The following CNTN4 variants were observed in gnomAD, a reference collection of about 807,000 sequenced individuals.
CNTN4 encodes the protein contactin 4.
CNTN4 carries 77 observed loss-of-function variants against 122.5 expected under a neutral mutation model. The observed-to-expected ratio is 0.63, with a 90% CI of 0.52 to 0.76. CNTN4 has a LOEUF of 0.76. Ranked by LOEUF, CNTN4 falls within the 30% of genes least tolerant of loss-of-function variation. The pLI is 0.00. For synonymous variants in CNTN4, 512 were observed against 447.0 expected, an observed-to-expected ratio of 1.15 and a Z score of -1.83; for missense variants, 1,256 against 1,259.1, an observed-to-expected ratio of 1.00 and a Z score of 0.04.
At position 2,579,531 on chromosome 3, in the gene CNTN4, G is replaced by T. The variant is rs540110868; in HGVS notation, c.55+7973G>T. Among the ~76,000 whole-genome samples the T allele has an allele frequency of 4.1e-3, 379 of 91,388 alleles. 3 individuals are homozygous for T. The highest frequency in any genetic ancestry group is 0.014 in the African/African-American group (365 of 26,440). The allele number at this position is 91,388 out of a possible 152,430, so 60.0% of individuals were successfully genotyped here. On this transcript the variant is annotated intron_variant, in intron 4 of 24. Coordinates refer to ENST00000418658, the MANE Select transcript of CNTN4 (RefSeq NM_175607.3). ...GGTACATCATCTCCCTAGGTCATGG[G>T]TTTCTTTTTTTTTTTATCTGTAAAA...
intron 2 of CNTN4, chr3:2,262,236 T>C (rs2040861314): frequency 1.3e-5 from 2 of 152,212 alleles, no homozygotes; most frequent in African/African-American, 4.8e-5. Context: ...GGACCAATTT[T>C]TCCAGATAAT....
chr3:2,151,221 G>T (rs2035481722), intron 2 of CNTN4, among the ~76,000 whole-genome samples: 1 of 152,118 alleles, frequency 6.6e-6, no homozygotes, highest in African/African-American at 2.4e-5. Context: ...CACTTCGCCT[G>T]GCCAACAAGT....
At chr3:3,038,352 T>C (rs74653932) in intron 18 of CNTN4, among the ~76,000 whole-genome samples, 7,794 of 152,248 alleles carry the variant, frequency 0.051, 291 homozygotes, top group Non-Finnish European at 0.065. Flanking sequence ...GGGGGTCAAC[T>C]TCTGTCTGCC....
intron 2 of CNTN4, among the ~76,000 whole-genome samples, chr3:2,205,934 A>G (rs555548778): frequency 6.6e-6 from 1 of 152,282 alleles, no homozygotes; most frequent in Non-Finnish European, 1.5e-5. Context: ...GAGGAAATGC[A>G]AAACAACTGA....
chr3:2,099,052 G>GT (rs1487558408), intron 1 of CNTN4, 74 bp downstream of exon 1: 1 of 152,544 alleles, frequency 6.6e-6, no homozygotes, highest in Non-Finnish European at 1.5e-5. Flanking sequence ...GGTCGCGGGT[G>GT]TGGGGGGGAA....
chr3:2,194,831 A>G (rs979601206), intron 2 of CNTN4, among the ~76,000 whole-genome samples: 24 of 152,260 alleles, frequency 1.6e-4, no homozygotes, highest in African/African-American at 4.6e-4. Flanking sequence ...TTTCGTGACA[A>G]ATTTTAGAGG....
intron 14 of CNTN4, among the ~76,000 whole-genome samples, chr3:3,001,568 CA>C (rs552353828): frequency 4.7e-4 from 72 of 152,242 alleles, no homozygotes; most frequent in African/African-American, 1.7e-3. Context: ...TGCCTTTAGA[CA>C]GGGGGCATGT....
rs1284833439 is a variant in CNTN4 at position 2,916,651 on chromosome 3, T to G, written c.1208-8978T>G. ...TGATTTCTCTTTCCTTTCCCCACAC[T>G]TCCCCCCCTTCCACTCGACAAAACC... On this transcript the variant is annotated intron_variant, in intron 12 of 24. Coordinates refer to ENST00000418658, the MANE Select transcript of CNTN4 (RefSeq NM_175607.3). 4.8e-5 allele frequency among the ~76,000 whole-genome samples: 5 copies of G among 103,464 alleles called. No homozygotes were observed. The East Asian group carries it at 1.4e-3, about 28-fold the overall frequency. 67.9% of individuals were successfully genotyped at this position (103,464 alleles called of 152,430 possible).
chr3:2,755,922 C>T lies in CNTN4; in HGVS notation c.358+10225C>T, dbSNP rs545271876. 1.7e-4 allele frequency among the ~76,000 whole-genome samples: 26 copies of T among 152,050 alleles called. No homozygotes were observed. The South Asian group carries it at 3.1e-3, about 18-fold the overall frequency. On this transcript the variant is annotated intron_variant, in intron 6 of 24. Transcript: ENST00000418658. ...ACTAAAATATCACTCCTTTTTGTTT[C>T]GTTGTTATGAGTAATTCAGTCAACA...
At position 2,212,731 on chromosome 3, in the gene CNTN4, T is replaced by C. The variant is rs974309532; in HGVS notation, c.-145+112092T>C. Reference sequence around the variant, plus strand: ...GTTTAAAATAGTGTTTTTTCAATTGTTGCATATTTGAATTGACTGAGGACT... The same window carrying C: ...GTTTAAAATAGTGTTTTTTCAATTGCTGCATATTTGAATTGACTGAGGACT... On this transcript the variant is annotated intron_variant, in intron 2 of 24. Transcript: ENST00000418658. Among the ~76,000 whole-genome samples the C allele has an allele frequency of 3.9e-5, 6 of 152,340 alleles. No homozygotes were observed. In the South Asian group the frequency reaches 6.2e-4, roughly 16 times the overall value.
At chr3:2,729,059 A>C (rs1280899067) in intron 4 of CNTN4, among the ~76,000 whole-genome samples, 2 of 152,230 alleles carry the variant, frequency 1.3e-5, no homozygotes, top group East Asian at 3.9e-4. Context: ...GTTTTCTAAG[A>C]TGAAATCATA....
chr3:2,207,287 A>G (rs1385306605), intron 2 of CNTN4, among the ~76,000 whole-genome samples: 1 of 152,154 alleles, frequency 6.6e-6, no homozygotes, highest in African/African-American at 2.4e-5. Context: ...TGAAAGGAAG[A>G]GTCATACATC....
chr3:2,906,701 G>A lies in CNTN4; in HGVS notation c.1207+3696G>A, dbSNP rs1429039691. 4.0e-5 allele frequency among the ~76,000 whole-genome samples: 6 copies of A among 151,624 alleles called. 1 individual carries two copies. Among genetic ancestry groups the A allele is most frequent in the Non-Finnish European group, 4.4e-5 (3 of 67,912 alleles). ...AAAAATATATATATATAAATTAGCCGAGCATGGTGGCGCATGCCTGTAATC... is the reference window on the plus strand; with the variant it reads ...AAAAATATATATATATAAATTAGCCAAGCATGGTGGCGCATGCCTGTAATC... On this transcript the variant is annotated intron_variant, in intron 12 of 24. Transcript: ENST00000418658.
At chr3:2,565,705 A>T (rs528813197) in intron 3 of CNTN4, among the ~76,000 whole-genome samples, 3 of 152,248 alleles carry the variant, frequency 2.0e-5, no homozygotes, top group African/African-American at 7.2e-5. Flanking sequence ...GAACATTAAG[A>T]TTTTACTGTA....
intron 3 of CNTN4, among the ~76,000 whole-genome samples, chr3:2,464,306 C>T (rs980662922): frequency 6.6e-6 from 1 of 152,162 alleles, no homozygotes. Flanking sequence ...GTTAGCTCTT[C>T]CTTTGACCAG....
At chr3:2,529,018 C>G (rs1368729013) in intron 3 of CNTN4, among the ~76,000 whole-genome samples, 2 of 151,994 alleles carry the variant, frequency 1.3e-5, no homozygotes, top group South Asian at 4.2e-4. Context: ...AGCTATGGTA[C>G]TCGTACAGTG....
At chr3:2,157,960 A>G (rs1189417103) in intron 2 of CNTN4, among the ~76,000 whole-genome samples, 3 of 152,246 alleles carry the variant, frequency 2.0e-5, no homozygotes, top group African/African-American at 7.2e-5. Flanking sequence ...ACCCCAAATT[A>G]GGAAGGACAA....
intron 2 of CNTN4, among the ~76,000 whole-genome samples, chr3:2,171,130 T>C (rs1486469443): frequency 6.6e-6 from 1 of 152,178 alleles, no homozygotes; most frequent in Non-Finnish European, 1.5e-5. Flanking sequence ...AAACACAAAG[T>C]CATATATAAA....
rs541502715 is a variant in CNTN4, at chr3:2,513,234, C to T, written c.-88-58182C>T. On this transcript the variant is annotated intron_variant, in intron 3 of 24. Transcript: ENST00000418658. The stretch of plus-strand genomic sequence containing the variant: ...TATGGTCCCTAAACAAAAGGCTGGC[C>T]TCATGCCTTCTTACAAAACTGAACT... 7.2e-5 allele frequency among the ~76,000 whole-genome samples: 11 copies of T among 152,272 alleles called. No individual in the cohort carries two copies. In the South Asian group the frequency reaches 2.3e-3, roughly 32 times the overall value.
Sources: gnomAD v4.1 joint callset for allele counts (sites outside exome capture counted in the v4.1 genomes callset) on GRCh38, gnomAD v4.1.1 for gene constraint, MANE v1.5 for transcripts, NCBI Gene and HGNC (gene_info 2026-07-23, HGNC 2026-07-21) for gene names.